GSG1L: variants seen among roughly 807,000 people sequenced by gnomAD.
GSG1L encodes GSG1 like, also known as germ cell-specific gene 1-like protein.
In GSG1L, 24 loss-of-function variants were observed where a neutral mutation model predicts 42.1. The observed-to-expected ratio is 0.57, with a 90% confidence interval of 0.41 to 0.80. GSG1L has a LOEUF of 0.80. Ranked by LOEUF, GSG1L falls within the 30% of genes least tolerant of loss-of-function variation. The pLI is 0.00. For missense variants in GSG1L, 445 were observed against 472.2 expected (o/e 0.94, Z 0.53); for synonymous variants, 215 against 203.5 (o/e 1.06, Z -0.48).
At chr16:28,006,723 G>A (rs74969919) in intron 1 of GSG1L, among the ~76,000 whole-genome samples, 2,605 of 152,206 alleles carry the variant, frequency 0.017, 79 homozygotes, top group African/African-American at 0.06. Context: ...ATTTATTACA[G>A]CACCCACAGA....
intron 2 of GSG1L, among the ~76,000 whole-genome samples, chr16:27,920,749 A>G (rs1233289705): frequency 1.3e-5 from 2 of 152,206 alleles, no homozygotes; most frequent in Non-Finnish European, 2.9e-5. Flanking sequence ...ATTAAATCCC[A>G]GAAGATTGCC....
chr16:27,920,628 T>C (rs1379462958), intron 2 of GSG1L, among the ~76,000 whole-genome samples: 1 of 152,210 alleles, frequency 6.6e-6, no homozygotes, highest in Admixed American at 6.5e-5. Context: ...TCACTTGCTA[T>C]AGCAGCCATC....
intron 2 of GSG1L, among the ~76,000 whole-genome samples, chr16:27,902,443 C>G (rs373297341): frequency 2.0e-5 from 3 of 152,066 alleles, no homozygotes; most frequent in South Asian, 2.1e-4. Flanking sequence ...GAGGCCGATG[C>G]CAAGGGGGAA....
intron 2 of GSG1L, among the ~76,000 whole-genome samples, chr16:27,928,658 C>G (rs1042499295): frequency 6.6e-6 from 1 of 152,142 alleles, no homozygotes; most frequent in East Asian, 1.9e-4. Flanking sequence ...TGGTGACATT[C>G]GGCAGGTGAG....
At chr16:27,820,441 G>A (rs1047822304) in intron 5 of GSG1L, among the ~76,000 whole-genome samples, 1 of 152,106 alleles carries the variant, frequency 6.6e-6, no homozygotes, top group Non-Finnish European at 1.5e-5. Flanking sequence ...GAGTGAGGGG[G>A]TGGGAGCCAG....
chr16:27,989,864 C>G (rs1301256304), intron 1 of GSG1L, among the ~76,000 whole-genome samples: 1 of 152,030 alleles, frequency 6.6e-6, no homozygotes, highest in Non-Finnish European at 1.5e-5. Context: ...GAGGAAATTC[C>G]TAAATGTCTG....
At chr16:27,941,224 G>C (rs748778550) in intron 2 of GSG1L, among the ~76,000 whole-genome samples, 2 of 151,948 alleles carry the variant, frequency 1.3e-5, no homozygotes, top group Non-Finnish European at 2.9e-5. Context: ...CCCATGCAAG[G>C]AGAAAAAATA....
intron 1 of GSG1L, among the ~76,000 whole-genome samples, chr16:28,002,639 G>GA (rs961084879): frequency 6.6e-6 from 1 of 151,452 alleles, no homozygotes; most frequent in African/African-American, 2.4e-5. Flanking sequence ...AAATTAAAAA[G>GA]AAAAAAAGAG....
intron 2 of GSG1L, among the ~76,000 whole-genome samples, chr16:27,951,830 C>T (rs1324187730): frequency 6.6e-6 from 1 of 152,010 alleles, no homozygotes; most frequent in Non-Finnish European, 1.5e-5. Flanking sequence ...CGATTTCAGG[C>T]GGAGAACAGA....
rs201095777 is a variant in GSG1L at position 27,856,862 on chromosome 16, T to C, written c.551-11801A>G. Reference sequence around the variant, plus strand: ...GAGAGATGCGGATTTGGGTGAGGAGTGGGGTGGTGGCTCCCATCAGAACGT... The same window carrying C: ...GAGAGATGCGGATTTGGGTGAGGAGCGGGGTGGTGGCTCCCATCAGAACGT... On this transcript the variant is annotated intron_variant, in intron 3 of 6. Coordinates refer to ENST00000447459, the MANE Select transcript of GSG1L (RefSeq NM_001109763.2). 2.8e-4 allele frequency among the ~76,000 whole-genome samples: 42 copies of C among 150,496 alleles called. No individual in the cohort carries two copies. The East Asian group carries it at 5.3e-3, about 19-fold the overall frequency.
chr16:27,862,564 T>G (rs74015104), intron 3 of GSG1L, among the ~76,000 whole-genome samples: 2,529 of 152,280 alleles, frequency 0.017, 67 homozygotes, highest in African/African-American at 0.058. Flanking sequence ...TTGTCACACA[T>G]TTGGCAAACA....
At chr16:28,045,098 T>G (rs1000549276) in intron 1 of GSG1L, among the ~76,000 whole-genome samples, 6 of 150,682 alleles carry the variant, frequency 4.0e-5, no homozygotes, top group African/African-American at 1.2e-4. Flanking sequence ...GGGGATTTTT[T>G]GGGGGTAGTG....
At chr16:27,870,790 T>C (rs1274809875) in intron 3 of GSG1L, among the ~76,000 whole-genome samples, 1 of 151,530 alleles carries the variant, frequency 6.6e-6, no homozygotes, top group East Asian at 1.9e-4. Context: ...CCCTGCAGTT[T>C]GTGGACCATC....
intron 1 of GSG1L, among the ~76,000 whole-genome samples, chr16:27,981,575 T>C (rs901382457): frequency 6.6e-6 from 1 of 152,208 alleles, no homozygotes; most frequent in African/African-American, 2.4e-5. Flanking sequence ...ACTTCTCTGC[T>C]GATGATATTT....
At chr16:27,997,278 C>G (rs1228265206) in intron 1 of GSG1L, among the ~76,000 whole-genome samples, 2 of 151,444 alleles carry the variant, frequency 1.3e-5, no homozygotes, top group Non-Finnish European at 2.9e-5. Context: ...ACACACCTCT[C>G]CCTCTGCCTA....
At chr16:27,933,648 C>CA (rs55936452) in intron 2 of GSG1L, among the ~76,000 whole-genome samples, 49,915 of 94,832 alleles carry the variant, frequency 0.53, 13,868 homozygotes, top group East Asian at 0.69. Flanking sequence ...GACTTTGTCA[C>CA]AAAAAAAAAA....
chr16:27,958,972 G>A (rs777751018), intron 2 of GSG1L, among the ~76,000 whole-genome samples: 2 of 151,900 alleles, frequency 1.3e-5, no homozygotes, highest in Non-Finnish European at 2.9e-5. Flanking sequence ...ACTGCACCCG[G>A]CCACGGTTGT....
At chr16:27,979,692 A>AGAG (rs1567542854) in intron 1 of GSG1L, among the ~76,000 whole-genome samples, 1 of 40,304 alleles carries the variant, frequency 2.5e-5, no homozygotes, top group Non-Finnish European at 5.3e-5. Flanking sequence ...AGAAAGAAGG[A>AGAG]AGGAAGGAAG....
intron 6 of GSG1L, among the ~76,000 whole-genome samples, chr16:27,801,581 G>A (rs1204433827): frequency 6.6e-6 from 1 of 152,186 alleles, no homozygotes; most frequent in Non-Finnish European, 1.5e-5. Context: ...TAGCAGCTAA[G>A]AGGCCGAATT....
Sources: allele counts gnomAD v4.1 joint callset (sites outside exome capture counted in the v4.1 genomes callset), GRCh38; gene constraint gnomAD v4.1.1; transcripts MANE v1.5; gene names NCBI Gene and HGNC (gene_info 2026-07-23, HGNC 2026-07-21).